Variants in ST6GALNAC5 observed in about 807,000 individuals in gnomAD.
ST6GALNAC5 encodes alpha-N-acetylgalactosaminide alpha-2,6-sialyltransferase 5.
A neutral mutation model predicts 33.6 loss-of-function variants in ST6GALNAC5; 27 were observed. The ratio of observed to expected loss-of-function variants is 0.80; its 90% confidence interval spans 0.59 to 1.11. The LOEUF (loss-of-function observed/expected upper bound fraction) is 1.11, where lower values mean the gene tolerates loss of function less well. Among genes scored for constraint, ST6GALNAC5 ranks in the 50% least tolerant of loss-of-function variants. ST6GALNAC5 has a pLI of 0.00. For missense variants in ST6GALNAC5, 428 were observed against 454.0 expected (o/e 0.94, Z 0.52); for synonymous variants, 194 against 171.2 (o/e 1.13, Z -1.04).
At chr1:77,011,178 G>A (rs1307420598) in intron 2 of ST6GALNAC5, among the ~76,000 whole-genome samples, 1 of 152,150 alleles carries the variant, frequency 6.6e-6, no homozygotes, top group African/African-American at 2.4e-5. Flanking sequence ...CACTCAGTAG[G>A]ACAATGACGA....
At chr1:76,912,436 T>C (rs896441554) in intron 2 of ST6GALNAC5, among the ~76,000 whole-genome samples, 1 of 152,144 alleles carries the variant, frequency 6.6e-6, no homozygotes, top group East Asian at 1.9e-4. Context: ...AGATGTCTAT[T>C]AGGTCTGCTT....
chr1:76,879,177 C>T (rs897846063), intron 2 of ST6GALNAC5, among the ~76,000 whole-genome samples: 5 of 152,172 alleles, frequency 3.3e-5, no homozygotes, highest in Admixed American at 2.0e-4. Flanking sequence ...AGTGACTAAT[C>T]CACTCCACCA....
intron 2 of ST6GALNAC5, among the ~76,000 whole-genome samples, chr1:76,942,706 G>A (rs914689390): frequency 2.0e-5 from 3 of 152,004 alleles, no homozygotes; most frequent in African/African-American, 7.2e-5. Context: ...TCTCTCCCAG[G>A]CTGAATTAGA....
At chr1:76,954,757 A>T (rs2100341932) in intron 2 of ST6GALNAC5, among the ~76,000 whole-genome samples, 1 of 152,290 alleles carries the variant, frequency 6.6e-6, no homozygotes, top group Middle Eastern at 3.4e-3. Context: ...ATTATTTTCA[A>T]ACTAATTGGG....
intron 2 of ST6GALNAC5, among the ~76,000 whole-genome samples, chr1:76,941,076 C>T (rs1003453963): frequency 6.6e-6 from 1 of 151,942 alleles, no homozygotes; most frequent in Non-Finnish European, 1.5e-5. Context: ...TATTTGGAGA[C>T]AAGGCTTGGA....
chr1:76,907,164 C>G (rs938841931), intron 2 of ST6GALNAC5, among the ~76,000 whole-genome samples: 1 of 152,154 alleles, frequency 6.6e-6, no homozygotes, highest in African/African-American at 2.4e-5. Flanking sequence ...CAAGCCATCA[C>G]CACGAGAGGG....
At chr1:76,916,003 A>G (rs1646970067) in intron 2 of ST6GALNAC5, among the ~76,000 whole-genome samples, 1 of 150,790 alleles carries the variant, frequency 6.6e-6, no homozygotes, top group African/African-American at 2.5e-5. Flanking sequence ...TGATCTGGCC[A>G]TCTGCATTTT....
chr1:77,012,322 A>G (rs1570095333), intron 2 of ST6GALNAC5, among the ~76,000 whole-genome samples: 1 of 152,218 alleles, frequency 6.6e-6, no homozygotes, highest in Non-Finnish European at 1.5e-5. Flanking sequence ...GACTTTGCAG[A>G]ACCCCAGCAG....
chr1:76,937,669 C>T (rs1146669), intron 2 of ST6GALNAC5, among the ~76,000 whole-genome samples: 87,247 of 151,826 alleles, frequency 0.57, 25,321 homozygotes, highest in South Asian at 0.6. Flanking sequence ...ATGTTAGGAC[C>T]GTGAGAAAAA....
chr1:77,019,657 T>C (rs897775878), intron 2 of ST6GALNAC5, among the ~76,000 whole-genome samples: 2 of 152,190 alleles, frequency 1.3e-5, no homozygotes, highest in Non-Finnish European at 2.9e-5. Flanking sequence ...CCTGAGTCCT[T>C]TGTTCATGCT....
In ST6GALNAC5 at chr1:77,063,116, G is replaced by A; in HGVS notation, c.921G>A (p.Trp307Ter). The A allele has an allele frequency of 6.2e-7, 1 of 1,613,740 alleles. No homozygotes were observed. The highest frequency in any genetic ancestry group is 8.5e-7 in the Non-Finnish European group (1 of 1,179,860). The stretch of plus-strand genomic sequence containing the variant: ...CAGAGAAACGAGTCTTTAAGAACTG[G>A]GCACGGACATTCAATATTCACTTTT... Reference protein sequence around the residue: ...FITEKRVFKNWARTFNIHFFQ... With the variant: ...FITEKRVFKN Residue 307 changes from tryptophan (W) to a stop codon, truncating the protein, a stop_gained, in exon 5 of 5, where the codon TGG becomes TGA. Transcript: ENST00000477717. LOFTEE classifies it high-confidence loss of function.
At chr1:76,900,983 A>G (rs1646812168) in intron 2 of ST6GALNAC5, among the ~76,000 whole-genome samples, 1 of 152,136 alleles carries the variant, frequency 6.6e-6, no homozygotes, top group South Asian at 2.1e-4. Context: ...TGTTAGCCTC[A>G]CTAGATGTCA....
intron 2 of ST6GALNAC5, among the ~76,000 whole-genome samples, chr1:76,891,553 T>C (rs1557711388): frequency 6.6e-6 from 1 of 152,192 alleles, no homozygotes; most frequent in Non-Finnish European, 1.5e-5. Flanking sequence ...ACTTTATTGA[T>C]GGTGTTCTTT....
chr1:76,911,391 G>C (rs2100280647), intron 2 of ST6GALNAC5, among the ~76,000 whole-genome samples: 1 of 152,206 alleles, frequency 6.6e-6, no homozygotes, highest in African/African-American at 2.4e-5. Flanking sequence ...CAAGGATATT[G>C]GTCTAAAATT....
At chr1:76,878,787 T>C (rs1450677741) in intron 2 of ST6GALNAC5, among the ~76,000 whole-genome samples, 1 of 152,156 alleles carries the variant, frequency 6.6e-6, no homozygotes, top group Non-Finnish European at 1.5e-5. Context: ...TTGTATAAAT[T>C]AAGTAGAAAT....
chr1:77,010,843 G>A (rs922221753), intron 2 of ST6GALNAC5, among the ~76,000 whole-genome samples: 4 of 152,216 alleles, frequency 2.6e-5, no homozygotes, highest in African/African-American at 2.4e-5. Flanking sequence ...GCTGCAGCCT[G>A]GGGACAAATT....
At chr1:77,046,070 T>C (rs1246140989) in intron 3 of ST6GALNAC5, among the ~76,000 whole-genome samples, 5 of 152,342 alleles carry the variant, frequency 3.3e-5, no homozygotes, top group African/African-American at 9.6e-5. Flanking sequence ...ACGTTTGTGA[T>C]GTAATTTACC....
intron 2 of ST6GALNAC5, among the ~76,000 whole-genome samples, chr1:76,872,777 A>G (rs1261759723): frequency 6.6e-6 from 1 of 152,178 alleles, no homozygotes; most frequent in East Asian, 1.9e-4. Flanking sequence ...TTTGAATCTC[A>G]AGGAAATTCA....
intron 4 of ST6GALNAC5, among the ~76,000 whole-genome samples, chr1:77,061,562 G>A (rs1370115070): frequency 6.6e-6 from 1 of 152,202 alleles, no homozygotes; most frequent in East Asian, 1.9e-4. Context: ...GCAAGATGCT[G>A]GGAAGCCTGG....
Sources: gnomAD v4.1 joint callset for allele counts (sites outside exome capture counted in the v4.1 genomes callset) on GRCh38, gnomAD v4.1.1 for gene constraint, MANE v1.5 for transcripts, NCBI Gene and HGNC (gene_info 2026-07-23, HGNC 2026-07-21) for gene names.